Variants in PTPRQ observed in about 807,000 individuals in gnomAD.
PTPRQ encodes the protein phosphatidylinositol phosphatase PTPRQ.
PTPRQ carries 199 observed loss-of-function variants against 246.0 expected under a neutral mutation model. The observed-to-expected ratio is 0.81, with a 90% CI of 0.72 to 0.91. The LOEUF (loss-of-function observed/expected upper bound fraction) is 0.91. Ranked by LOEUF, PTPRQ falls within the 40% of genes least tolerant of loss-of-function variation. The pLI, the probability that PTPRQ is intolerant of heterozygous loss-of-function variation, is 0.00. For synonymous variants in PTPRQ, 869 were observed against 853.2 expected (o/e 1.02, Z -0.32); for missense variants, 2,624 against 2,528.4 (o/e 1.04, Z -0.81).
Position 80,472,262 on chromosome 12 carries a change from A to C in PTPRQ, c.1186+11A>C, listed in dbSNP as rs757179903. On this transcript the variant is annotated intron_variant, in intron 8 of 44. Transcript: ENST00000644991. ...TCACTCCACCAGATGGTAAGAACAT[A>C]GGGAATGAGTGAGATATTTTTGGTA... 1.0e-5 allele frequency: 16 copies of C among 1,551,140 alleles called. No individual in the cohort carries two copies. The South Asian group carries it at 1.9e-4, about 18-fold the overall frequency.
intron 26 of PTPRQ, among the ~76,000 whole-genome samples, chr12:80,591,239 C>T (rs1444163460): frequency 1.3e-5 from 2 of 151,294 alleles, no homozygotes; most frequent in African/African-American, 4.9e-5. Context: ...AATCCTCCCA[C>T]CTCAGCCTCC....
chr12:80,498,507 A>G (rs1375664174), intron 14 of PTPRQ, among the ~76,000 whole-genome samples: 1 of 152,074 alleles, frequency 6.6e-6, no homozygotes, highest in Non-Finnish European at 1.5e-5. Context: ...TTCATTGCCT[A>G]ATGGCACCAG....
chr12:80,678,536 A>G (rs1272283525), intron 43 of PTPRQ, 66 bp from the exon 44 acceptor site: 9 of 1,466,348 alleles, frequency 6.1e-6, no homozygotes, highest in African/African-American at 5.7e-5. Context: ...AGCTTTAACA[A>G]TATAACTCCC....
At chr12:80,611,240 C>A (rs1211747061) in intron 28 of PTPRQ, among the ~76,000 whole-genome samples, 2 of 150,296 alleles carry the variant, frequency 1.3e-5, no homozygotes, top group Non-Finnish European at 3.0e-5. Context: ...TGGAAATCAA[C>A]ATCCCAGAAC....
chr12:80,521,395 G>T (rs1164204405), intron 17 of PTPRQ, among the ~76,000 whole-genome samples: 4 of 151,992 alleles, frequency 2.6e-5, no homozygotes, highest in South Asian at 2.1e-4. Flanking sequence ...TTTTGGCTTT[G>T]GTTGCCATTG....
At chr12:80,513,251 G>A (rs7974430) in intron 17 of PTPRQ, among the ~76,000 whole-genome samples, 7 of 152,004 alleles carry the variant, frequency 4.6e-5, no homozygotes, top group East Asian at 1.9e-4. Context: ...CTCAGCAGAG[G>A]GGGGAGCCAG....
intron 17 of PTPRQ, chr12:80,525,876 A>G (rs1270769278): frequency 1.3e-5 from 2 of 152,118 alleles, no homozygotes; most frequent in African/African-American, 4.8e-5. Flanking sequence ...CCCTTTCTAT[A>G]ATTCTCATAA....
intron 32 of PTPRQ, among the ~76,000 whole-genome samples, chr12:80,620,939 A>G (rs374946683): frequency 3.8e-4 from 57 of 151,880 alleles, no homozygotes; most frequent in Admixed American, 2.2e-3. Context: ...GCTGTATTAA[A>G]TTATTTGCTA....
intron 25 of PTPRQ, chr12:80,561,710 T>C (rs565662676): frequency 3.6e-4 from 55 of 152,306 alleles, no homozygotes; most frequent in African/African-American, 1.3e-3. Flanking sequence ...ATTCTCTGCG[T>C]AGAAAATCAT....
Position 80,495,264 on chromosome 12 carries a change from C to T in PTPRQ, c.1775C>T (p.Pro592Leu). 1 of 1,545,446 alleles carries T rather than the reference C, an allele frequency of 6.5e-7. No individual in the cohort carries two copies. Among genetic ancestry groups the T allele is most frequent in the Non-Finnish European group, 8.7e-7 (1 of 1,144,936 alleles). ...TCTATTTTGTTATATTGGGATCCTC[C>T]AGAATATCCCAATGGAAAAATAACT... ...SSSILLYWDP[P>L]EYPNGKITHY... The change falls in exon 12 of 45, where the codon CCA becomes CTA. Residue 592 changes from proline (P) to leucine (L), a missense_variant. Transcript: ENST00000644991.
chr12:80,453,055 T>A (rs1196190279), intron 3 of PTPRQ, among the ~76,000 whole-genome samples: 1 of 152,130 alleles, frequency 6.6e-6, no homozygotes, highest in East Asian at 1.9e-4. Context: ...CTTGGAGGCT[T>A]TGTTCATTTC....
Position 80,473,047 on chromosome 12 carries a change from G to GCACACACACA in PTPRQ, c.1186+817_1186+826dup, listed in dbSNP as rs34054644. ...TACACACACACACACTCACACACAC[G>GCACACACACA]CACACACACACACACACACACACAC... is the stretch of plus-strand genomic sequence containing the variant. On this transcript the variant is annotated intron_variant, in intron 8 of 44. Transcript: ENST00000644991. Among the ~76,000 whole-genome samples the GCACACACACA allele has an allele frequency of 3.7e-3, 532 of 145,664 alleles. 4 individuals are homozygous for GCACACACACA. Among genetic ancestry groups the GCACACACACA allele is most frequent in the African/African-American group, 0.014 (514 of 37,842 alleles).
chr12:80,466,336 A>G (rs1315741180), intron 6 of PTPRQ, among the ~76,000 whole-genome samples: 13 of 152,200 alleles, frequency 8.5e-5, no homozygotes, highest in Admixed American at 6.5e-4. Context: ...AGTACAAACC[A>G]GTGCTCAATG....
chr12:80,478,752 G>A (rs1422241485), intron 8 of PTPRQ, among the ~76,000 whole-genome samples: 3 of 152,132 alleles, frequency 2.0e-5, no homozygotes, highest in African/African-American at 4.8e-5. Context: ...GAGCCGATGC[G>A]ATCAACTGGA....
Position 80,678,715 on chromosome 12 carries a change from C to A in PTPRQ, c.6852C>A (p.Asp2284Glu). The A allele has an allele frequency of 6.5e-7, 1 of 1,548,804 alleles. No individual in the cohort carries two copies. The highest frequency in any genetic ancestry group is 1.2e-5 in the South Asian group (1 of 83,578). ...CACTTCAGAAGATGGACTCTTTGGA[C>A]GCCATGGAAGGTAAACAGAAACAAC... is the stretch of plus-strand genomic sequence containing the variant. ...YSALQKMDSL[D>E]AMEGDVELEW... Residue 2284 changes from aspartate (D) to glutamate (E), a missense_variant, in exon 44 of 45, where the codon GAC becomes GAA. Physicochemically the swap from Asp to Glu is conservative, Grantham distance 45. Coordinates refer to ENST00000644991, the MANE Select transcript of PTPRQ (RefSeq NM_001145026.2).
At chr12:80,549,768 C>G (rs1464631238) in intron 25 of PTPRQ, 34 bp downstream of exon 25, 18 of 1,505,204 alleles carry the variant, frequency 1.2e-5, no homozygotes, top group Non-Finnish European at 1.6e-5. Context: ...TAACATGAAA[C>G]CTTTAACTAT....
rs559303161 is a variant in PTPRQ at position 80,660,230 on chromosome 12, A to C, written c.6192+2169A>C. On this transcript the variant is annotated intron_variant, in intron 39 of 44. Transcript: ENST00000644991. ...AAAGAAAGCAAAATAACTAGTGTTCAGATAGAAACATGAAAAACTGAAGTC... is the reference window on the plus strand; with the variant it reads ...AAAGAAAGCAAAATAACTAGTGTTCCGATAGAAACATGAAAAACTGAAGTC... Among the ~76,000 whole-genome samples, 9 of 152,154 alleles carry C rather than the reference A, an allele frequency of 5.9e-5. No homozygotes were observed. The East Asian group carries it at 1.7e-3, about 29-fold the overall frequency.
Position 80,484,476 on chromosome 12 carries a change from C to A in PTPRQ, c.1230C>A (p.Ser410=). ...ATTTACAACTTGCAGAGGTAGAATC[C>A]ACGCAAGTAAGAATTACTTGGAAGA... ...VFDLQLAEVE[S]TQVRITWKKP... The change falls in exon 9 of 45, where the codon TCC becomes TCA. Residue 410 remains serine, a synonymous_variant. Transcript: ENST00000644991. The A allele has an allele frequency of 5.2e-6, 8 of 1,551,062 alleles. No homozygotes were observed. The highest frequency in any genetic ancestry group is 6.1e-6 in the Non-Finnish European group (7 of 1,146,806).
intron 8 of PTPRQ, among the ~76,000 whole-genome samples, chr12:80,480,029 G>C (rs1396427465): frequency 6.6e-6 from 1 of 151,946 alleles, no homozygotes; most frequent in Non-Finnish European, 1.5e-5. Flanking sequence ...GGACCTAATA[G>C]ACATCTACAG....
Sources: gnomAD v4.1 joint callset for allele counts (sites outside exome capture counted in the v4.1 genomes callset) on GRCh38, gnomAD v4.1.1 for gene constraint, MANE v1.5 for transcripts, NCBI Gene and HGNC (gene_info 2026-07-23, HGNC 2026-07-21) for gene names.